ATF6B: variants seen among roughly 807,000 people sequenced by gnomAD.
The protein encoded by ATF6B is activating transcription factor 6 beta, also known as cyclic AMP-dependent transcription factor ATF-6 beta.
Under a neutral mutation model 83.5 loss-of-function variants are expected in ATF6B, and 50 were observed. That is an observed-to-expected ratio of 0.60 (90% CI 0.48 to 0.76). The LOEUF (loss-of-function observed/expected upper bound fraction) is 0.76, where lower values mean the gene tolerates loss of function less well. Among genes scored for constraint, ATF6B ranks in the 30% least tolerant of loss-of-function variants. The pLI is 0.00. For synonymous variants in ATF6B, 344 were observed against 362.8 expected, an observed-to-expected ratio of 0.95 and a Z score of 0.59; for missense variants, 790 against 893.8, an observed-to-expected ratio of 0.88 and a Z score of 1.48.
intron 5 of ATF6B, among the ~76,000 whole-genome samples, chr6:32,122,855 A>C (rs1460415761): frequency 1.3e-5 from 2 of 151,270 alleles, no homozygotes; most frequent in Non-Finnish European, 1.5e-5. Context: ...CAAAAAAAAA[A>C]AAAAAAAAAA....
chr6:32,121,083 G>A lies in ATF6B; in HGVS notation c.606C>T (p.Ser202=). The A allele has an allele frequency of 1.3e-6, 2 of 1,570,180 alleles. No individual in the cohort carries two copies. Among genetic ancestry groups the A allele is most frequent in the South Asian group, 1.2e-5 (1 of 83,180 alleles). The change falls in exon 7 of 18, where the codon TCC becomes TCT. Residue 202 remains serine (S), a synonymous_variant. Transcript: ENST00000375203. Reference sequence around the variant, plus strand: ...ACAGGAGGCATCCTGAAGGGGACAGGGACTCTGTCTTCACTTCCAGGACCT... The same window carrying A: ...ACAGGAGGCATCCTGAAGGGGACAGAGACTCTGTCTTCACTTCCAGGACCT... The part of the protein sequence containing the change: ...GEEVLEVKTE[S]LSPSGCLLWD...
chr6:32,116,414 C>T lies in ATF6B; in HGVS notation c.1882+66G>A. On this transcript the variant is annotated intron_variant, in intron 17 of 17. Coordinates refer to ENST00000375203, the MANE Select transcript of ATF6B (RefSeq NM_004381.5). This position sits in a 1 kb window ranked among gnomAD's most constrained non-coding sequence, Gnocchi z 5.1. ...GGATGCCCTGCTCCTCTCCCCCTTC[C>T]CCCTCAGCTCCCAGGCTGGATCTCC... The T allele has an allele frequency of 1.4e-6, 2 of 1,475,448 alleles. No individual in the cohort carries two copies. Among genetic ancestry groups the T allele is most frequent in the South Asian group, 2.5e-5 (2 of 79,872 alleles). The allele number at this position is 1,475,448 out of a possible 1,614,324, so 91.4% of individuals were successfully genotyped here.
chr6:32,127,917 G>T, intron 1 of ATF6B, 167 bp from the exon 2 acceptor site: 1 of 998,076 alleles, frequency 1.0e-6, no homozygotes, highest in Non-Finnish European at 1.5e-6. Context: ...CCCGACCCCG[G>T]AACAACTCGA....
Position 32,119,900 on chromosome 6 carries a change from G to A in ATF6B, c.890C>T (p.Pro297Leu). 1 of 1,614,152 alleles carries A rather than the reference G, an allele frequency of 6.2e-7. No individual in the cohort carries two copies. The highest frequency in any genetic ancestry group is 1.1e-5 in the South Asian group (1 of 91,084). ...CTTCCTCTCAGGCCGTGGTAGAGAG[G>A]GAGCCGGCCCTTCAGGCTGGACTCG... is the stretch of plus-strand genomic sequence containing the variant. The part of the protein sequence containing the change: ...AIRVQPEGPA[P>L]SLPRPERKSI... Residue 297 changes from proline to leucine, a missense_variant, in exon 9 of 18, where the codon CCC (proline) becomes CTC (leucine). This residue lies in a region of ATF6B where 530 missense variants were observed against 632.6 expected (regional missense o/e 0.84). Coordinates refer to ENST00000375203, the MANE Select transcript of ATF6B (RefSeq NM_004381.5). The surrounding 1 kb of genome is among the most constrained non-coding windows in gnomAD (Gnocchi z 4.9).
rs750120338 is a variant in ATF6B at position 32,118,040 on chromosome 6, T to C, written c.1245-2A>G. The C allele has an allele frequency of 4.3e-6, 7 of 1,614,056 alleles. No homozygotes were observed. In the East Asian group the frequency reaches 1.3e-4, roughly 31 times the overall value. Reference sequence around the variant, plus strand: ...GGAGCTGAAGGAGGCTCACTGATGCTGTGGATAAAGAAGGACTGAGCACAA... The same window carrying C: ...GGAGCTGAAGGAGGCTCACTGATGCCGTGGATAAAGAAGGACTGAGCACAA... On this transcript the variant is annotated splice_acceptor_variant, in intron 11 of 17. Coordinates refer to ENST00000375203, the MANE Select transcript of ATF6B (RefSeq NM_004381.5). LOFTEE classifies it high-confidence loss of function. The surrounding 1 kb of genome is among the most constrained non-coding windows in gnomAD (Gnocchi z 5.2).
At chr6:32,123,114 G>T (rs1006538537) in intron 5 of ATF6B, among the ~76,000 whole-genome samples, 1 of 150,082 alleles carries the variant, frequency 6.7e-6, no homozygotes, top group African/African-American at 2.5e-5. Flanking sequence ...TGTAGTCCTA[G>T]CTATTAGGGG....
Position 32,117,140 on chromosome 6 carries a change from G to T in ATF6B, c.1615-33C>A, listed in dbSNP as rs1781563340. On this transcript the variant is annotated intron_variant, in intron 14 of 17. Coordinates refer to ENST00000375203, the MANE Select transcript of ATF6B (RefSeq NM_004381.5). The surrounding 1 kb of genome is among the most constrained non-coding windows in gnomAD (Gnocchi z 5.0). ...GAGAAGTATCTAAGGACTTGGAGAG[G>T]GTGAAGGGAAAAGGGAAAGAGACAA... 6.2e-7 allele frequency: 1 copy of T among 1,607,192 alleles called. No individual in the cohort carries two copies. Among genetic ancestry groups the T allele is most frequent in the African/African-American group, 1.3e-5 (1 of 74,710 alleles).
At position 32,128,225 on chromosome 6, in the gene ATF6B, C is replaced by T; in HGVS notation, c.-18G>A. The T allele has an allele frequency of 1.3e-6, 2 of 1,599,590 alleles. No homozygotes were observed. The highest frequency in any genetic ancestry group is 1.7e-6 in the Non-Finnish European group (2 of 1,175,944). On this transcript the variant is annotated 5_prime_UTR_variant, in exon 1 of 18. Coordinates refer to ENST00000375203, the MANE Select transcript of ATF6B (RefSeq NM_004381.5). ...TCCGCCATCTTTCCCCCCCACCCCCCAACCAGGAGACGGTTCCCAAGGCCC... is the reference window on the plus strand; with the variant it reads ...TCCGCCATCTTTCCCCCCCACCCCCTAACCAGGAGACGGTTCCCAAGGCCC...
At chr6:32,123,126 G>A (rs1781830259) in intron 5 of ATF6B, among the ~76,000 whole-genome samples, 1 of 151,116 alleles carries the variant, frequency 6.6e-6, no homozygotes, top group African/African-American at 2.4e-5. Context: ...TATTAGGGGG[G>A]CTGAGGCAGG....
intron 4 of ATF6B, 61 bp downstream of exon 4, chr6:32,127,042 G>C: frequency 7.4e-7 from 1 of 1,351,452 alleles, no homozygotes; most frequent in Non-Finnish European, 1.0e-6. Flanking sequence ...TGTCACCCAC[G>C]GGTGAAGGGA....
At chr6:32,127,911 AC>A in intron 1 of ATF6B, 161 bp from the exon 2 acceptor site, 1 of 996,820 alleles carries the variant, frequency 1.0e-6, no homozygotes, top group Non-Finnish European at 1.5e-6. Flanking sequence ...TCCTTCCCCG[AC>A]CCCGGAACAA....
chr6:32,119,266 T>C lies in ATF6B; in HGVS notation c.967-125A>G. ...CATTCCCCTGCCTTCCTGACCCACC[T>C]ACATAGCCAGAGAGGTTTTTCCTCT... On this transcript the variant is annotated intron_variant, in intron 9 of 17. Coordinates refer to ENST00000375203, the MANE Select transcript of ATF6B (RefSeq NM_004381.5). The surrounding 1 kb of genome is among the most constrained non-coding windows in gnomAD (Gnocchi z 4.9). 1 of 1,166,426 alleles carries C rather than the reference T, an allele frequency of 8.6e-7. No individual in the cohort carries two copies. Among genetic ancestry groups the C allele is most frequent in the Admixed American group, 2.9e-5 (1 of 34,376 alleles). 72.3% of individuals were successfully genotyped at this position (1,166,426 alleles called of 1,614,324 possible). A position where few individuals can be genotyped will look rare whatever the true frequency, so the allele number is the denominator to read the frequency against.
chr6:32,119,693 C>G lies in ATF6B; in HGVS notation c.966+131G>C, dbSNP rs1781675053. 1.5e-6 allele frequency: 2 copies of G among 1,335,658 alleles called. No homozygotes were observed. Among genetic ancestry groups the G allele is most frequent in the Non-Finnish European group, 2.1e-6 (2 of 973,442 alleles). The allele number at this position is 1,335,658 out of a possible 1,614,324, so 82.7% of individuals were successfully genotyped here. The stretch of plus-strand genomic sequence containing the variant: ...AGTCCATTCTGACCCTCAGAATGAT[C>G]TAATGGGTCCGTTTCCTCACTTTTT... On this transcript the variant is annotated intron_variant, in intron 9 of 17. Coordinates refer to ENST00000375203, the MANE Select transcript of ATF6B (RefSeq NM_004381.5). The surrounding 1 kb of genome is among the most constrained non-coding windows in gnomAD (Gnocchi z 4.9).
chr6:32,117,992 C>A lies in ATF6B; in HGVS notation c.1291G>T (p.Gly431Trp). Residue 431 changes from glycine to tryptophan, a missense_variant, in exon 12 of 18, where the codon GGG becomes TGG. Physicochemically the swap from Gly to Trp is radical, Grantham distance 184. Around this residue, in one of 3 missense-constraint regions of ATF6B, gnomAD observed 530 missense variants for 632.6 expected, o/e 0.84. Transcript: ENST00000375203. This position sits in a 1 kb window ranked among gnomAD's most constrained non-coding sequence, Gnocchi z 5.0. ...SAPISPRMNK[G>W]EPQPRRHLLG... ...AAGTGTCTCCGGGGTTGAGGCTCCC[C>A]CTTGTTCATCCGAGGAGAGATGGGA... 6.2e-7 allele frequency: 1 copy of A among 1,614,070 alleles called. No homozygotes were observed.
chr6:32,121,968 A>C (rs1300533857), intron 5 of ATF6B, among the ~76,000 whole-genome samples: 1 of 152,062 alleles, frequency 6.6e-6, no homozygotes, highest in East Asian at 1.9e-4. Flanking sequence ...GAACTTGTCT[A>C]TTCACATAGA....
chr6:32,118,170 A>T lies in ATF6B; in HGVS notation c.1245-132T>A, dbSNP rs1781609178. 1 of 1,137,474 alleles carries T rather than the reference A, an allele frequency of 8.8e-7. No homozygotes were observed. Among genetic ancestry groups the T allele is most frequent in the Non-Finnish European group, 1.3e-6 (1 of 784,088 alleles). The allele number at this position is 1,137,474 out of a possible 1,614,324, so 70.5% of individuals were successfully genotyped here. On this transcript the variant is annotated intron_variant, in intron 11 of 17. Transcript: ENST00000375203. The surrounding 1 kb of genome is among the most constrained non-coding windows in gnomAD (Gnocchi z 5.2). ...ACAAGCCTGAGTCTGCCTCTGTAAG[A>T]TGGGAATAAGGATGGTCCCTACATA...
Position 32,116,081 on chromosome 6 carries a change from A to G in ATF6B, c.1883-113T>C, listed in dbSNP as rs1781519642. On this transcript the variant is annotated intron_variant, in intron 17 of 17. Transcript: ENST00000375203. The surrounding 1 kb of genome is among the most constrained non-coding windows in gnomAD (Gnocchi z 5.1). ...TGAGCAGAGAGAAAAAGAAAGGGCA[A>G]TAGTGAGGAGGCAGATCCATAGCGG... 3 of 764,882 alleles carry G rather than the reference A, an allele frequency of 3.9e-6. No individual in the cohort carries two copies. The highest frequency in any genetic ancestry group is 2.1e-6 in the Non-Finnish European group (1 of 473,086). 47.4% of individuals were successfully genotyped at this position (764,882 alleles called of 1,614,324 possible).
rs368895865 is a variant in ATF6B at position 32,119,041 on chromosome 6, C to T, written c.1067G>A (p.Arg356Gln). The T allele has an allele frequency of 6.2e-6, 10 of 1,614,014 alleles. No individual in the cohort carries two copies. The highest frequency in any genetic ancestry group is 5.0e-5 in the Admixed American group (3 of 60,006). Residue 356 changes from arginine (R) to glutamine (Q), a missense_variant, in exon 10 of 18, where the codon CGG becomes CAG. Coordinates refer to ENST00000375203, the MANE Select transcript of ATF6B (RefSeq NM_004381.5). The surrounding 1 kb of genome is among the most constrained non-coding windows in gnomAD (Gnocchi z 4.9). ...KKEYLQGLEA[R>Q]LQAVLADNQQ... ...GTTGTCAGCCAGTACTGCTTGCAGC[C>T]GAGCCTCCAGTCCCTGCAGATACTC... is the stretch of plus-strand genomic sequence containing the variant.
chr6:32,127,188 T>C lies in ATF6B; in HGVS notation c.257A>G (p.Gln86Arg). The C allele has an allele frequency of 1.9e-6, 3 of 1,608,852 alleles. No individual in the cohort carries two copies. Among genetic ancestry groups the C allele is most frequent in the South Asian group, 2.2e-5 (2 of 89,778 alleles). Residue 86 changes from glutamine (Q) to arginine (R), a missense_variant, in exon 4 of 18, where the codon CAG becomes CGG. Gln to Arg is a conservative substitution (Grantham distance 43). Coordinates refer to ENST00000375203, the MANE Select transcript of ATF6B (RefSeq NM_004381.5). Reference protein sequence around the residue: ...WELLPIFPDLQVKSEPSSPCS... With the variant: ...WELLPIFPDLRVKSEPSSPCS... ...GGGGGAAGATGGCTCAGACTTCACCTGAAGATCTGGAGGAAAGGGAGTTAG... is the reference window on the plus strand; with the variant it reads ...GGGGGAAGATGGCTCAGACTTCACCCGAAGATCTGGAGGAAAGGGAGTTAG...
Sources: gnomAD v4.1 joint callset for allele counts (sites outside exome capture counted in the v4.1 genomes callset) on GRCh38, gnomAD v4.1.1 for gene constraint, gnomAD v4.1.1 regional missense constraint, Gnocchi (gnomAD v3.1) non-coding constraint, MANE v1.5 for transcripts, NCBI Gene and HGNC (gene_info 2026-07-23, HGNC 2026-07-21) for gene names.